The following PRKCE variants were observed in gnomAD, a reference collection of about 807,000 sequenced individuals.
PRKCE encodes protein kinase C epsilon, also known as protein kinase C epsilon type.
Under a neutral mutation model 85.4 loss-of-function variants are expected in PRKCE, and 16 were observed. The ratio of observed to expected loss-of-function variants is 0.19; its 90% CI spans 0.13 to 0.28. The LOEUF (loss-of-function observed/expected upper bound fraction) is 0.28. Ranked by LOEUF, PRKCE falls within the 10% of genes least tolerant of loss-of-function variation. The probability of loss-of-function intolerance (pLI) is 1.00; values close to 1 mark genes in which losing one functional copy is unlikely to be tolerated. For synonymous variants in PRKCE, 388 were observed against 371.5 expected (o/e 1.04, Z -0.51); for missense variants, 573 against 975.2 (o/e 0.59, Z 5.49).
intron 11 of PRKCE, among the ~76,000 whole-genome samples, chr2:46,132,658 G>A (rs554268607): frequency 1.3e-5 from 2 of 152,300 alleles, no homozygotes; most frequent in African/African-American, 2.4e-5. Flanking sequence ...CAGGGCATAA[G>A]CACAGCCCTG....
chr2:46,087,969 C>T (rs953868292), intron 11 of PRKCE, among the ~76,000 whole-genome samples: 1 of 152,208 alleles, frequency 6.6e-6, no homozygotes, highest in Non-Finnish European at 1.5e-5. Flanking sequence ...CCTAATCAGG[C>T]TTACCCAAGA....
At chr2:46,045,319 A>G (rs1421859499) in intron 10 of PRKCE, among the ~76,000 whole-genome samples, 1 of 152,228 alleles carries the variant, frequency 6.6e-6, no homozygotes, top group East Asian at 1.9e-4. Flanking sequence ...TCAGTACTGC[A>G]TGTTGTGGTT....
At chr2:46,148,765 G>A (rs139911416) in intron 12 of PRKCE, among the ~76,000 whole-genome samples, 114 of 152,324 alleles carry the variant, frequency 7.5e-4, no homozygotes, top group African/African-American at 2.6e-3. Context: ...AACTAACGAC[G>A]TAGTGGTATG....
At chr2:45,897,422 A>G (rs954434557) in intron 2 of PRKCE, among the ~76,000 whole-genome samples, 3 of 152,322 alleles carry the variant, frequency 2.0e-5, no homozygotes, top group Admixed American at 2.0e-4. Flanking sequence ...CAGGTTGCCC[A>G]TCTTGTTTTG....
intron 9 of PRKCE, among the ~76,000 whole-genome samples, chr2:46,009,504 C>T (rs1224718402): frequency 6.6e-6 from 1 of 152,288 alleles, no homozygotes; most frequent in African/African-American, 2.4e-5. Flanking sequence ...AGCAAAAATA[C>T]TTTTTAAGTG....
chr2:45,708,947 T>G (rs1306339748), intron 1 of PRKCE, among the ~76,000 whole-genome samples: 1 of 152,218 alleles, frequency 6.6e-6, no homozygotes, highest in African/African-American at 2.4e-5. Flanking sequence ...GTGTGGATAG[T>G]AGCACACAGT....
chr2:45,888,955 G>C (rs1695506748), intron 2 of PRKCE, among the ~76,000 whole-genome samples: 2 of 152,106 alleles, frequency 1.3e-5, no homozygotes, highest in Admixed American at 1.3e-4. Flanking sequence ...GCCCGTGTGG[G>C]GTTCTCTCAG....
At chr2:45,682,563 A>G (rs1307773282) in intron 1 of PRKCE, among the ~76,000 whole-genome samples, 1 of 152,090 alleles carries the variant, frequency 6.6e-6, no homozygotes, top group Admixed American at 6.5e-5. Context: ...AGTAACTGGG[A>G]TTACAGGCAC....
chr2:45,772,966 C>T (rs536580128), intron 1 of PRKCE, among the ~76,000 whole-genome samples: 4 of 152,154 alleles, frequency 2.6e-5, no homozygotes, highest in East Asian at 3.9e-4. Flanking sequence ...GTGGCTGGGC[C>T]GTGTATGACT....
intron 1 of PRKCE, among the ~76,000 whole-genome samples, chr2:45,682,960 T>C (rs893914776): frequency 1.3e-5 from 2 of 152,206 alleles, no homozygotes; most frequent in African/African-American, 4.8e-5. Flanking sequence ...AGGCTATGTG[T>C]ATGTAGTTGT....
chr2:45,666,804 A>G (rs1675932895), intron 1 of PRKCE, among the ~76,000 whole-genome samples: 2 of 152,182 alleles, frequency 1.3e-5, no homozygotes, highest in Non-Finnish European at 2.9e-5. Flanking sequence ...TGCTTGGCAT[A>G]TTGCCCCACA....
intron 12 of PRKCE, among the ~76,000 whole-genome samples, chr2:46,149,891 C>G (rs1558504888): frequency 1.3e-5 from 2 of 149,582 alleles, no homozygotes; most frequent in Non-Finnish European, 3.0e-5. Flanking sequence ...GGGTCTCACT[C>G]TGTTACCCAG....
intron 10 of PRKCE, among the ~76,000 whole-genome samples, chr2:46,038,745 A>C (rs1229375097): frequency 6.6e-6 from 1 of 151,916 alleles, no homozygotes; most frequent in Non-Finnish European, 1.5e-5. Flanking sequence ...TTATTCCATT[A>C]CATCAAGCAT....
At chr2:46,129,842 T>G (rs1674247660) in intron 11 of PRKCE, among the ~76,000 whole-genome samples, 1 of 152,258 alleles carries the variant, frequency 6.6e-6, no homozygotes, top group Non-Finnish European at 1.5e-5. Context: ...GATTTATTAT[T>G]TTAATTGTTT....
At position 46,184,712 on chromosome 2, in the gene PRKCE, C is replaced by T; in HGVS notation, c.2068-23C>T. 1 of 1,598,368 alleles carries T rather than the reference C, an allele frequency of 6.3e-7. No individual in the cohort carries two copies. Among genetic ancestry groups the T allele is most frequent in the East Asian group, 2.2e-5 (1 of 44,872 alleles). Reference sequence around the variant, plus strand: ...AGGAGGGAGAGCAGCCTCAACTCACCACTTTCTCTTTTCTTCCCACAGAAA... The same window carrying T: ...AGGAGGGAGAGCAGCCTCAACTCACTACTTTCTCTTTTCTTCCCACAGAAA... On this transcript the variant is annotated intron_variant, in intron 14 of 14. Transcript: ENST00000306156. The surrounding 1 kb of genome is among the most constrained non-coding windows in gnomAD (Gnocchi z 5.0).
intron 2 of PRKCE, among the ~76,000 whole-genome samples, chr2:45,894,088 A>G (rs544480791): frequency 2.0e-5 from 3 of 152,322 alleles, no homozygotes; most frequent in African/African-American, 7.2e-5. Flanking sequence ...CATACCCTGC[A>G]GCCCATACAC....
intron 11 of PRKCE, among the ~76,000 whole-genome samples, chr2:46,116,714 A>C (rs1268012851): frequency 6.6e-6 from 1 of 151,036 alleles, no homozygotes; most frequent in African/African-American, 2.4e-5. Context: ...GTCATCACAC[A>C]TGGTGCTGTT....
intron 1 of PRKCE, among the ~76,000 whole-genome samples, chr2:45,663,172 T>A (rs2103768222): frequency 6.6e-6 from 1 of 152,352 alleles, no homozygotes; most frequent in South Asian, 2.1e-4. Context: ...ACACGTCTGT[T>A]TAACCAGATA....
chr2:45,662,627 T>C (rs553051409), intron 1 of PRKCE, among the ~76,000 whole-genome samples: 25 of 151,488 alleles, frequency 1.7e-4, no homozygotes, highest in East Asian at 7.7e-4. Flanking sequence ...CACCTGATAA[T>C]AGTTTGTCTT....
Sources: gnomAD v4.1 joint callset for allele counts (sites outside exome capture counted in the v4.1 genomes callset) on GRCh38, gnomAD v4.1.1 for gene constraint, Gnocchi (gnomAD v3.1) non-coding constraint, MANE v1.5 for transcripts, NCBI Gene and HGNC (gene_info 2026-07-23, HGNC 2026-07-21) for gene names.